The following CADM2 variants were observed in gnomAD, a reference collection of about 807,000 sequenced individuals.
The protein encoded by CADM2 is cell adhesion molecule 2, also known as immunoglobulin superfamily member 4D.
A neutral mutation model predicts 49.8 loss-of-function variants in CADM2; 12 were observed. That is an observed-to-expected ratio of 0.24 (90% confidence interval 0.15 to 0.39). The LOEUF is 0.39. CADM2 is among the 10% of genes least tolerant of loss of function. The pLI is 1.00. For synonymous variants in CADM2, 214 were observed against 175.4 expected (o/e 1.22, Z -1.74); for missense variants, 378 against 492.3 (o/e 0.77, Z 2.20).
chr3:85,124,220 T>C (rs1298859371), intron 1 of CADM2, among the ~76,000 whole-genome samples: 2 of 152,234 alleles, frequency 1.3e-5, no homozygotes, highest in Non-Finnish European at 2.9e-5. Flanking sequence ...TTATCTATTG[T>C]AAAATTGTCA....
chr3:85,801,996 A>C, intron 2 of CADM2, 51 bp from the exon 3 acceptor site: 1 of 1,346,708 alleles, frequency 7.4e-7, no homozygotes, highest in East Asian at 2.7e-5. Context: ...TTAGGCAGTT[A>C]ATCATTTTAT....
At chr3:85,253,081 G>A (rs2042810570) in intron 1 of CADM2, among the ~76,000 whole-genome samples, 1 of 152,010 alleles carries the variant, frequency 6.6e-6, no homozygotes, top group Non-Finnish European at 1.5e-5. Flanking sequence ...AAAGAAATAT[G>A]CTGTAAGTAA....
intron 1 of CADM2, among the ~76,000 whole-genome samples, chr3:85,700,844 C>A (rs2107707440): frequency 6.6e-6 from 1 of 152,316 alleles, no homozygotes; most frequent in East Asian, 1.9e-4. Context: ...TTTCCCTCAT[C>A]TTCCTCTCTT....
chr3:85,763,293 A>G (rs533588327), intron 2 of CADM2, among the ~76,000 whole-genome samples: 28 of 152,312 alleles, frequency 1.8e-4, no homozygotes, highest in Non-Finnish European at 1.3e-4. Context: ...ACTTCTCATA[A>G]TACAGGTTCT....
chr3:85,874,496 C>A (rs1711546664), intron 3 of CADM2, among the ~76,000 whole-genome samples: 1 of 151,964 alleles, frequency 6.6e-6, no homozygotes, highest in Non-Finnish European at 1.5e-5. Context: ...GAGAGTTATA[C>A]CACATGGCTA....
intron 1 of CADM2, among the ~76,000 whole-genome samples, chr3:85,152,344 G>GAGTT: frequency 6.6e-6 from 1 of 152,080 alleles, no homozygotes; most frequent in Non-Finnish European, 1.5e-5. Context: ...AGGATGTGTG[G>GAGTT]CCAAAAGAGA....
intron 2 of CADM2, among the ~76,000 whole-genome samples, chr3:85,791,619 T>C (rs1205804617): frequency 1.4e-5 from 2 of 145,902 alleles, no homozygotes; most frequent in African/African-American, 2.6e-5. Flanking sequence ...AAACTGAAAA[T>C]AGTTGAGGGG....
At chr3:85,242,065 G>T (rs1485143260) in intron 1 of CADM2, among the ~76,000 whole-genome samples, 368 of 140,936 alleles carry the variant, frequency 2.6e-3, no homozygotes, top group Non-Finnish European at 3.7e-3. Context: ...TGATTCTGTT[G>T]TTTTTTTTTT....
chr3:84,975,218 T>G (rs967237447), intron 1 of CADM2, among the ~76,000 whole-genome samples: 1 of 151,766 alleles, frequency 6.6e-6, no homozygotes, highest in African/African-American at 2.4e-5. Context: ...AAACAGTTAT[T>G]TAAAACAAAA....
chr3:85,502,265 C>T (rs903767079), intron 1 of CADM2, among the ~76,000 whole-genome samples: 2 of 152,102 alleles, frequency 1.3e-5, no homozygotes, highest in Non-Finnish European at 2.9e-5. Flanking sequence ...CTTGCCACTT[C>T]AGTGAATGGA....
intron 1 of CADM2, among the ~76,000 whole-genome samples, chr3:85,620,252 T>C (rs902788371): frequency 1.1e-4 from 16 of 152,100 alleles, no homozygotes; most frequent in African/African-American, 3.9e-4. Flanking sequence ...ATAGTCAATT[T>C]AATCAAATAA....
intron 1 of CADM2, among the ~76,000 whole-genome samples, chr3:85,341,850 T>C (rs1312417492): frequency 2.0e-5 from 3 of 152,076 alleles, no homozygotes; most frequent in Admixed American, 6.6e-5. Flanking sequence ...ACTGAAGATA[T>C]ATGTTGAGAC....
At chr3:85,040,036 A>C (rs1017550542) in intron 1 of CADM2, among the ~76,000 whole-genome samples, 2 of 152,226 alleles carry the variant, frequency 1.3e-5, no homozygotes, top group Non-Finnish European at 2.9e-5. Flanking sequence ...GTAAAATTCC[A>C]TGAGTTTTCA....
chr3:86,014,997 G>C (rs1248432217), intron 8 of CADM2: 4 of 1,095,990 alleles, frequency 3.6e-6, no homozygotes, highest in Admixed American at 3.6e-5. Context: ...GAGTAACTTG[G>C]CTTTGCTTAA....
intron 1 of CADM2, among the ~76,000 whole-genome samples, chr3:85,338,628 A>G (rs2045155662): frequency 6.6e-6 from 1 of 151,522 alleles, no homozygotes; most frequent in East Asian, 1.9e-4. Flanking sequence ...GATAATTGTT[A>G]ATTTCTTACA....
chr3:85,965,798 A>C (rs772251602), intron 8 of CADM2, among the ~76,000 whole-genome samples: 1 of 151,690 alleles, frequency 6.6e-6, no homozygotes, highest in Non-Finnish European at 1.5e-5. Flanking sequence ...CCATTTTATC[A>C]TGCAAGGTAT....
intron 1 of CADM2, among the ~76,000 whole-genome samples, chr3:85,359,323 G>C (rs2032133998): frequency 6.6e-6 from 1 of 151,928 alleles, no homozygotes; most frequent in African/African-American, 2.4e-5. Flanking sequence ...TATCTTTAAA[G>C]CTGGACAGAG....
At chr3:85,115,330 C>T (rs1001246257) in intron 1 of CADM2, among the ~76,000 whole-genome samples, 16 of 152,024 alleles carry the variant, frequency 1.1e-4, no homozygotes, top group Non-Finnish European at 1.9e-4. Context: ...CTGTTGCCTC[C>T]GTAAGACTGT....
At chr3:85,472,704 T>C (rs2038819358) in intron 1 of CADM2, among the ~76,000 whole-genome samples, 1 of 152,034 alleles carries the variant, frequency 6.6e-6, no homozygotes, top group African/African-American at 2.4e-5. Flanking sequence ...AAGCCTAGTC[T>C]GCTCCATTGG....
Sources: gnomAD v4.1 joint callset for allele counts (sites outside exome capture counted in the v4.1 genomes callset) on GRCh38, gnomAD v4.1.1 for gene constraint, MANE v1.5 for transcripts, NCBI Gene and HGNC (gene_info 2026-07-23, HGNC 2026-07-21) for gene names.